CACNB4: variants seen among roughly 807,000 people sequenced by gnomAD.
CACNB4 encodes calcium voltage-gated channel auxiliary subunit beta 4, also known as voltage-dependent L-type calcium channel subunit beta-4.
Under a neutral mutation model 71.2 loss-of-function variants are expected in CACNB4, and 32 were observed. The observed-to-expected ratio is 0.45, with a 90% CI of 0.34 to 0.60. CACNB4 has a LOEUF of 0.60. Ranked by LOEUF, CACNB4 falls within the 20% of genes least tolerant of loss-of-function variation. CACNB4 has a pLI of 0.01. For missense variants in CACNB4, 464 were observed against 647.9 expected (o/e 0.72, Z 3.08); for synonymous variants, 231 against 236.9 (o/e 0.97, Z 0.23).
chr2:151,878,550 T>C (rs1433649740), intron 4 of CACNB4, among the ~76,000 whole-genome samples: 3 of 129,880 alleles, frequency 2.3e-5, no homozygotes, highest in Non-Finnish European at 3.2e-5. Context: ...AGACCCTGTC[T>C]ACACACACAC....
chr2:151,886,299 C>G (rs890749286), intron 2 of CACNB4, among the ~76,000 whole-genome samples: 9 of 152,094 alleles, frequency 5.9e-5, no homozygotes, highest in Admixed American at 4.6e-4. Flanking sequence ...GAAAACATGT[C>G]CTGGGGATGG....
intron 2 of CACNB4, among the ~76,000 whole-genome samples, chr2:151,921,860 A>T (rs2099859100): frequency 6.6e-6 from 1 of 152,038 alleles, no homozygotes; most frequent in Admixed American, 6.5e-5. Context: ...CACGGTTAAG[A>T]TGTGCCTGCC....
chr2:151,926,971 A>C (rs1373132001), intron 2 of CACNB4, among the ~76,000 whole-genome samples: 1 of 152,312 alleles, frequency 6.6e-6, no homozygotes, highest in East Asian at 1.9e-4. Flanking sequence ...AACAGTGGAA[A>C]GTTATTTTGA....
rs201870832 is a variant in CACNB4 at position 151,870,575 on chromosome 2, T to A, written c.655A>T (p.Met219Leu). ...HIPPYDVVPS[M>L]RPVVLVGPSL... ...GGCCCCACTAACACCACCGGACGCA[T>A]TGACGGTACAACATCGTAAGGAGGA... The change falls in exon 8 of 14, where the codon ATG becomes TTG. Residue 219 changes from methionine to leucine, a missense_variant. By Grantham distance (15) the Met-to-Leu change is conservative. Transcript: ENST00000539935. The A allele has an allele frequency of 6.2e-7, 1 of 1,613,816 alleles. No individual in the cohort carries two copies. The highest frequency in any genetic ancestry group is 1.3e-5 in the African/African-American group (1 of 74,920).
intron 12 of CACNB4, 32 bp from the exon 13 acceptor site, chr2:151,842,120 CATTTTAGGT>C (rs761936053): frequency 6.3e-7 from 1 of 1,593,746 alleles, no homozygotes; most frequent in Non-Finnish European, 8.6e-7. Flanking sequence ...ACTTTACTTC[CATTTTAGGT>C]TTTAGGCAAT....
intron 10 of CACNB4, chr2:151,857,388 A>C (rs1319940734): frequency 6.6e-6 from 1 of 152,274 alleles, no homozygotes; most frequent in African/African-American, 2.4e-5. Flanking sequence ...ACTAGCTTTC[A>C]GAATATTAAT....
chr2:152,039,162 T>C (rs1033715852), intron 2 of CACNB4, among the ~76,000 whole-genome samples: 4 of 152,192 alleles, frequency 2.6e-5, no homozygotes, highest in Non-Finnish European at 5.9e-5. Flanking sequence ...CTCACACCTG[T>C]AATCCCAGCA....
intron 8 of CACNB4, 141 bp from the exon 9 acceptor site, chr2:151,869,376 A>G: frequency 1.7e-6 from 1 of 584,830 alleles, no homozygotes; most frequent in Non-Finnish European, 3.1e-6. Context: ...GGAGGTTACC[A>G]TGGAAGGTGT....
At chr2:151,999,568 G>A (rs1477418851) in intron 2 of CACNB4, among the ~76,000 whole-genome samples, 1 of 152,116 alleles carries the variant, frequency 6.6e-6, no homozygotes, top group African/African-American at 2.4e-5. Flanking sequence ...CAGAGGTGGG[G>A]CCTAAGAATG....
chr2:151,895,116 A>C (rs1464536479), intron 2 of CACNB4, among the ~76,000 whole-genome samples: 4 of 149,388 alleles, frequency 2.7e-5, no homozygotes, highest in East Asian at 1.9e-4. Flanking sequence ...ACACACACAC[A>C]CACACACACA....
At chr2:152,088,489 A>T (rs145504537) in intron 2 of CACNB4, among the ~76,000 whole-genome samples, 117 of 152,370 alleles carry the variant, frequency 7.7e-4, no homozygotes, top group African/African-American at 2.7e-3. Flanking sequence ...TAGTGATCCT[A>T]CAACCCAGAA....
chr2:151,872,690 AC>A, intron 5 of CACNB4, 197 bp from the exon 6 acceptor site: 1 of 454,016 alleles, frequency 2.2e-6, no homozygotes, highest in Admixed American at 4.2e-5. Flanking sequence ...ACTAGCCGAG[AC>A]CTGGAATACT....
intron 8 of CACNB4, 70 bp from the exon 9 acceptor site, chr2:151,869,305 A>C (rs143603010): frequency 3.2e-5 from 29 of 904,142 alleles, no homozygotes; most frequent in Non-Finnish European, 5.2e-5. Flanking sequence ...CAAAAGGGAG[A>C]GAGGAGGGAG....
intron 2 of CACNB4, among the ~76,000 whole-genome samples, chr2:151,902,752 T>C (rs1026856473): frequency 1.3e-5 from 2 of 152,008 alleles, no homozygotes; most frequent in Non-Finnish European, 2.9e-5. Flanking sequence ...TATAGTCTTC[T>C]AAGCTGCCTG....
At chr2:152,091,036 T>C (rs1411559073) in intron 2 of CACNB4, among the ~76,000 whole-genome samples, 1 of 148,086 alleles carries the variant, frequency 6.8e-6, no homozygotes, top group Middle Eastern at 3.4e-3. Context: ...AGAGTGTGAC[T>C]CCATCTCAAA....
At chr2:151,993,962 A>T (rs763764516) in intron 2 of CACNB4, among the ~76,000 whole-genome samples, 14 of 151,594 alleles carry the variant, frequency 9.2e-5, no homozygotes, top group Non-Finnish European at 1.8e-4. Flanking sequence ...GCTTGAGCCC[A>T]GGAGTTTGAG....
chr2:152,073,134 T>C (rs183672226), intron 2 of CACNB4, among the ~76,000 whole-genome samples: 5 of 152,232 alleles, frequency 3.3e-5, no homozygotes, highest in Admixed American at 1.3e-4. Flanking sequence ...GGGAGCAATA[T>C]ATCACAAATG....
intron 2 of CACNB4, among the ~76,000 whole-genome samples, chr2:151,923,263 T>C (rs2099859407): frequency 6.6e-6 from 1 of 152,222 alleles, no homozygotes; most frequent in Non-Finnish European, 1.5e-5. Context: ...GTCCAACACC[T>C]AAACTCCAGA....
At chr2:151,881,495 C>T (rs893841585) in intron 3 of CACNB4, among the ~76,000 whole-genome samples, 34 of 152,232 alleles carry the variant, frequency 2.2e-4, no homozygotes, top group African/African-American at 8.0e-4. Flanking sequence ...GGTTTTGAAA[C>T]TCTTTTTACA....
Sources: allele counts gnomAD v4.1 joint callset (sites outside exome capture counted in the v4.1 genomes callset), GRCh38; gene constraint gnomAD v4.1.1; transcripts MANE v1.5; gene names NCBI Gene and HGNC (gene_info 2026-07-23, HGNC 2026-07-21).